UTP20: variants seen among roughly 807,000 people sequenced by gnomAD.
UTP20 encodes small subunit processome component 20 homolog.
UTP20 carries 164 observed loss-of-function variants against 329.5 expected under a neutral mutation model. The ratio of observed to expected loss-of-function variants is 0.50; its 90% CI spans 0.44 to 0.57. The LOEUF is 0.57. Among genes scored for constraint, UTP20 ranks in the 20% least tolerant of loss-of-function variants. UTP20 has a pLI of 0.00. For synonymous variants in UTP20, 1,151 were observed against 1,159.3 expected, an observed-to-expected ratio of 0.99 and a Z score of 0.14; for missense variants, 3,055 against 3,284.2, an observed-to-expected ratio of 0.93 and a Z score of 1.71.
At position 101,340,626 on chromosome 12, in the gene UTP20, A is replaced by T; in HGVS notation, c.4101+16A>T. 1 of 1,556,002 alleles carries T rather than the reference A, an allele frequency of 6.4e-7. No individual in the cohort carries two copies. Among genetic ancestry groups the T allele is most frequent in the Non-Finnish European group, 8.8e-7 (1 of 1,131,822 alleles). ...TATTGCTGAGGTACAAACTCATAGG[A>T]CACTTAACTTTGTCTCTAGAGTGGC... On this transcript the variant is annotated intron_variant, in intron 32 of 61. Coordinates refer to ENST00000261637, the MANE Select transcript of UTP20 (RefSeq NM_014503.3).
chr12:101,299,813 C>T lies in UTP20; in HGVS notation c.1562C>T (p.Ala521Val). 1 of 1,609,408 alleles carries T rather than the reference C, an allele frequency of 6.2e-7. No homozygotes were observed. Among genetic ancestry groups the T allele is most frequent in the Non-Finnish European group, 8.5e-7 (1 of 1,178,702 alleles). The change falls in exon 13 of 62, where the codon GCC becomes GTC. Residue 521 changes from alanine (A) to valine (V), a missense_variant. Physicochemically the swap from Ala to Val is moderately conservative, Grantham distance 64 (BLOSUM62 0). Coordinates refer to ENST00000261637, the MANE Select transcript of UTP20 (RefSeq NM_014503.3). ...DTTYLSQSWA[A>V]LVVLPHIRPL... ...ACTTACCTTTCACAATCTTGGGCAG[C>T]CCTCGTGGTGTTACCTCATATTAGG... is the stretch of plus-strand genomic sequence containing the variant.
At chr12:101,348,739 GTTTTTTTT>G (rs35417344) in intron 38 of UTP20, among the ~76,000 whole-genome samples, 1 of 97,320 alleles carries the variant, frequency 1.0e-5, no homozygotes, top group African/African-American at 4.1e-5. Context: ...GTTTTTGGTG[GTTTTTTTT>G]TTTTTTTTTT....
chr12:101,343,834 G>T (rs990884150), intron 35 of UTP20, among the ~76,000 whole-genome samples: 1 of 152,098 alleles, frequency 6.6e-6, no homozygotes. Context: ...TTTTAAAAGG[G>T]TGAATTTTAT....
chr12:101,365,778 G>A (rs1870077567), intron 46 of UTP20, among the ~76,000 whole-genome samples, 153 bp downstream of exon 46: 1 of 152,164 alleles, frequency 6.6e-6, no homozygotes, highest in South Asian at 2.1e-4. Flanking sequence ...TTCAACATGA[G>A]ATTTTCTCAT....
intron 46 of UTP20, 102 bp from the exon 47 acceptor site, chr12:101,366,453 CATT>C (rs1555202503): frequency 1.1e-5 from 15 of 1,408,582 alleles, no homozygotes; most frequent in Non-Finnish European, 9.6e-7. Flanking sequence ...GCAAATGGCA[CATT>C]ATTTAGTGCT....
At chr12:101,309,673 GTTGTCCAACTTGGGATGT>G in intron 18 of UTP20, 72 bp from the exon 19 acceptor site, 4 of 1,308,380 alleles carry the variant, frequency 3.1e-6, no homozygotes, top group Non-Finnish European at 3.2e-6. Context: ...CAAACCTCAG[GTTGTCCAACTTGGGATGT>G]TTGCATTTCA....
rs760036717 is a variant in UTP20 at position 101,290,792 on chromosome 12, A to G, written c.795A>G (p.Pro265=). 8.7e-6 allele frequency: 14 copies of G among 1,614,020 alleles called. No individual in the cohort carries two copies. Among genetic ancestry groups the G allele is most frequent in the Middle Eastern group, 1.7e-4 (1 of 6,058 alleles). The change falls in exon 8 of 62, where the codon CCA becomes CCG. Residue 265 remains proline (P), a synonymous_variant. Coordinates refer to ENST00000261637, the MANE Select transcript of UTP20 (RefSeq NM_014503.3). ...TCACTGAAACAGAAACTCAACTACC[A>G]TGGATGTTAATTGGAGAAACACTCA... ...GPVTETETQL[P]WMLIGETLKN...
chr12:101,339,011 T>G, intron 31 of UTP20, 54 bp downstream of exon 31: 1 of 1,515,434 alleles, frequency 6.6e-7, no homozygotes. Context: ...GGTTTTAACT[T>G]TTTAAAAAAT....
chr12:101,375,028 T>C, intron 55 of UTP20, 89 bp downstream of exon 55: 1 of 854,658 alleles, frequency 1.2e-6, no homozygotes, highest in South Asian at 1.8e-5. Flanking sequence ...AGCTTATAGG[T>C]TAAATATTTA....
intron 29 of UTP20, among the ~76,000 whole-genome samples, chr12:101,335,255 T>C (rs1434189486): frequency 6.7e-6 from 1 of 148,796 alleles, no homozygotes; most frequent in African/African-American, 2.6e-5. Flanking sequence ...AATTTTAGAG[T>C]ATGTATTACA....
chr12:101,364,696 ACTAT>A (rs1424170944), intron 45 of UTP20, among the ~76,000 whole-genome samples: 1 of 152,214 alleles, frequency 6.6e-6, no homozygotes, highest in Non-Finnish European at 1.5e-5. Flanking sequence ...AGCAAAGAGC[ACTAT>A]CTATTGACAT....
At position 101,319,528 on chromosome 12, in the gene UTP20, G is replaced by GTTTTGT; in HGVS notation, c.2739-8_2739-3dup. The stretch of plus-strand genomic sequence containing the variant: ...ATTCTTTAATTCTGTAACACTCTCT[G>GTTTTGT]TTTTGTTTTTGTTTAGGCAATTAAT... On this transcript the variant is annotated splice_polypyrimidine_tract_variant and intron_variant, in intron 22 of 61. Coordinates refer to ENST00000261637, the MANE Select transcript of UTP20 (RefSeq NM_014503.3). 6.3e-7 allele frequency: 1 copy of GTTTTGT among 1,576,212 alleles called. No homozygotes were observed. The highest frequency in any genetic ancestry group is 2.3e-5 in the East Asian group (1 of 44,436).
At chr12:101,310,708 CT>C (rs1872764429) in intron 19 of UTP20, among the ~76,000 whole-genome samples, 1 of 151,826 alleles carries the variant, frequency 6.6e-6, no homozygotes, top group Non-Finnish European at 1.5e-5. Flanking sequence ...CGTGTGAGGC[CT>C]TTCAAAACCC....
chr12:101,290,995 T>C, intron 8 of UTP20, 107 bp downstream of exon 8: 1 of 1,233,894 alleles, frequency 8.1e-7, no homozygotes, highest in Non-Finnish European at 1.1e-6. Flanking sequence ...TTATAATTGT[T>C]TTATTTATAC....
At chr12:101,285,710 T>A (rs764926731) in intron 3 of UTP20, 39 bp from the exon 4 acceptor site, 2 of 1,613,260 alleles carry the variant, frequency 1.2e-6, no homozygotes, top group South Asian at 2.2e-5. Flanking sequence ...TGAATAGTGG[T>A]GTGATAGAAA....
chr12:101,295,404 C>A, intron 11 of UTP20, 76 bp from the exon 12 acceptor site: 2 of 1,339,232 alleles, frequency 1.5e-6, no homozygotes, highest in Non-Finnish European at 2.0e-6. Flanking sequence ...TGTTTTTGGT[C>A]TAGTTTTTTG....
At position 101,291,882 on chromosome 12, in the gene UTP20, C is replaced by T; in HGVS notation, c.1032C>T (p.Val344=). ...SGTKIPTPAD[V]CKVLSQTLQV... Reference sequence around the variant, plus strand: ...CAAAGATACCCACGCCTGCTGATGTCTGTAAGGTGAGTTCCCAACTTAATA... The same window carrying T: ...CAAAGATACCCACGCCTGCTGATGTTTGTAAGGTGAGTTCCCAACTTAATA... Residue 344 remains valine (V), a synonymous_variant, in exon 9 of 62, where the codon GTC becomes GTT. Coordinates refer to ENST00000261637, the MANE Select transcript of UTP20 (RefSeq NM_014503.3). 1 of 1,611,540 alleles carries T rather than the reference C, an allele frequency of 6.2e-7. No individual in the cohort carries two copies. Among genetic ancestry groups the T allele is most frequent in the East Asian group, 2.2e-5 (1 of 44,856 alleles).
At chr12:101,382,395 C>T (rs1241719496) in intron 58 of UTP20, among the ~76,000 whole-genome samples, 1 of 151,838 alleles carries the variant, frequency 6.6e-6, no homozygotes, top group Non-Finnish European at 1.5e-5. Context: ...GAGACTCTGT[C>T]TCAAAAAATA....
chr12:101,327,116 G>A lies in UTP20; in HGVS notation c.3077G>A (p.Ser1026Asn). 6.2e-7 allele frequency: 1 copy of A among 1,612,024 alleles called. No homozygotes were observed. Among genetic ancestry groups the A allele is most frequent in the South Asian group, 1.1e-5 (1 of 90,932 alleles). Residue 1026 changes from serine to asparagine, a missense_variant, in exon 26 of 62, where the codon AGT (serine) becomes AAT (asparagine). Transcript: ENST00000261637. Reference protein sequence around the residue: ...LYGRMKNKTGSKTQGKSASGT... With the variant: ...LYGRMKNKTGNKTQGKSASGT... The stretch of plus-strand genomic sequence containing the variant: ...GGGCGAATGAAGAATAAGACTGGGA[G>A]TAAAACTCAGGGGAAATCTGCTTCA...
Sources: gnomAD v4.1 joint callset for allele counts (sites outside exome capture counted in the v4.1 genomes callset) on GRCh38, gnomAD v4.1.1 for gene constraint, MANE v1.5 for transcripts, NCBI Gene and HGNC (gene_info 2026-07-23, HGNC 2026-07-21) for gene names.